Variants in FSTL4 observed in about 807,000 individuals in gnomAD.
FSTL4 encodes follistatin like 4, also known as follistatin-related protein 4.
In FSTL4, 28 loss-of-function variants were observed where a neutral mutation model predicts 78.2. The observed-to-expected ratio is 0.36, with a 90% CI of 0.27 to 0.49. FSTL4 has a LOEUF of 0.49. Among genes scored for constraint, FSTL4 ranks in the 20% least tolerant of loss-of-function variants. FSTL4 has a pLI of 0.98. For missense variants in FSTL4, 922 were observed against 1,084.9 expected (o/e 0.85, Z 2.11); for synonymous variants, 422 against 440.5 (o/e 0.96, Z 0.53).
chr5:133,249,625 G>A (rs75625140), intron 6 of FSTL4, 49 bp from the exon 7 acceptor site: 143 of 1,489,292 alleles, frequency 9.6e-5, no homozygotes, highest in Non-Finnish European at 1.3e-4. Flanking sequence ...CCAGGGATTG[G>A]AGTCTCAACT....
At chr5:133,373,038 AT>A (rs1474577815) in intron 4 of FSTL4, among the ~76,000 whole-genome samples, 3 of 152,136 alleles carry the variant, frequency 2.0e-5, no homozygotes, top group Admixed American at 6.5e-5. Context: ...AGCCTCATGA[AT>A]GGGATTAGTG....
At chr5:133,483,090 T>A (rs954650172) in intron 3 of FSTL4, among the ~76,000 whole-genome samples, 1 of 152,118 alleles carries the variant, frequency 6.6e-6, no homozygotes. Flanking sequence ...GCTGTTCTCA[T>A]GATAGTGAAT....
chr5:133,516,752 C>T (rs1407392989), intron 3 of FSTL4, among the ~76,000 whole-genome samples: 1 of 151,950 alleles, frequency 6.6e-6, no homozygotes, highest in Non-Finnish European at 1.5e-5. Context: ...ACTAAGGTTA[C>T]CAAAACAATG....
chr5:133,596,314 C>T (rs1429719526), intron 2 of FSTL4, among the ~76,000 whole-genome samples: 1 of 152,232 alleles, frequency 6.6e-6, no homozygotes, highest in Non-Finnish European at 1.5e-5. Context: ...TCTGTCACCT[C>T]TGAGGCTAGG....
At chr5:133,292,024 C>A (rs1166069933) in intron 6 of FSTL4, among the ~76,000 whole-genome samples, 1 of 152,166 alleles carries the variant, frequency 6.6e-6, no homozygotes, top group Admixed American at 6.5e-5. Flanking sequence ...CAGACTTGGC[C>A]CTGCCAGGCC....
the FSTL4 span, among the ~76,000 whole-genome samples, chr5:133,626,145 C>CAT: frequency 0.013 from 39 of 2,938 alleles, 1 homozygote; most frequent in East Asian, 0.028. Flanking sequence ...ATATATATTC[C>CAT]ATATATATAT....
intron 3 of FSTL4, among the ~76,000 whole-genome samples, chr5:133,497,052 G>A (rs951841223): frequency 1.3e-5 from 2 of 152,194 alleles, no homozygotes; most frequent in African/African-American, 4.8e-5. Flanking sequence ...CTTCATGGGT[G>A]CCGTGCTATA....
chr5:133,252,455 C>T (rs1046635831), intron 6 of FSTL4, among the ~76,000 whole-genome samples: 2 of 152,036 alleles, frequency 1.3e-5, no homozygotes, highest in African/African-American at 4.8e-5. Flanking sequence ...GATGCAGATG[C>T]TCTGGTGGGC....
At chr5:133,282,920 C>G (rs1753042900) in intron 6 of FSTL4, among the ~76,000 whole-genome samples, 1 of 152,232 alleles carries the variant, frequency 6.6e-6, no homozygotes, top group African/African-American at 2.4e-5. Flanking sequence ...TCTTGCAATG[C>G]TCATCTGACA....
chr5:133,399,226 A>G (rs1291878858), intron 4 of FSTL4, among the ~76,000 whole-genome samples: 2 of 152,212 alleles, frequency 1.3e-5, no homozygotes, highest in African/African-American at 4.8e-5. Flanking sequence ...AGCTGGAGCA[A>G]CTGGTCAAGT....
intron 3 of FSTL4, among the ~76,000 whole-genome samples, chr5:133,469,281 G>C (rs1757771830): frequency 6.6e-6 from 1 of 152,210 alleles, no homozygotes; most frequent in Non-Finnish European, 1.5e-5. Context: ...CAATTCTGAA[G>C]ACCGTGGGCT....
chr5:133,310,003 T>C (rs550441084), intron 6 of FSTL4, among the ~76,000 whole-genome samples: 4 of 152,344 alleles, frequency 2.6e-5, no homozygotes, highest in South Asian at 4.1e-4. Flanking sequence ...GGGTAATAAC[T>C]TGTACCTATA....
In FSTL4 at chr5:133,201,991, A is replaced by T; in HGVS notation, c.1768T>A (p.Phe590Ile). ...GQSQHLIRTP[F>I]AGVDDFFIPP... ...ATGAAGAAATCATCCACTCCTGCAAAGGGTGTGCGGATGAGGTGCTGGCTC... is the reference window on the plus strand; with the variant it reads ...ATGAAGAAATCATCCACTCCTGCAATGGGTGTGCGGATGAGGTGCTGGCTC... The change falls in exon 15 of 16, where the codon TTT becomes ATT. Residue 590 changes from phenylalanine to isoleucine, a missense_variant. Physicochemically the swap from Phe to Ile is conservative, Grantham distance 21. Coordinates refer to ENST00000265342, the MANE Select transcript of FSTL4 (RefSeq NM_015082.2). 6.2e-7 allele frequency: 1 copy of T among 1,612,524 alleles called. No individual in the cohort carries two copies. Among genetic ancestry groups the T allele is most frequent in the Non-Finnish European group, 8.5e-7 (1 of 1,179,006 alleles).
chr5:133,215,813 C>T (rs1477249328), intron 13 of FSTL4, among the ~76,000 whole-genome samples: 3 of 152,162 alleles, frequency 2.0e-5, no homozygotes, highest in Non-Finnish European at 4.4e-5. Flanking sequence ...CCCTTCATCC[C>T]ATCTTCAAAG....
At chr5:133,498,180 C>T (rs1176442393) in intron 3 of FSTL4, among the ~76,000 whole-genome samples, 1 of 152,220 alleles carries the variant, frequency 6.6e-6, no homozygotes, top group African/African-American at 2.4e-5. Context: ...CGCACGGTGA[C>T]TGCCTCTCCA....
At chr5:133,422,509 G>C (rs895124064) in intron 3 of FSTL4, among the ~76,000 whole-genome samples, 2 of 151,784 alleles carry the variant, frequency 1.3e-5, no homozygotes, top group African/African-American at 4.8e-5. Context: ...GGAGGATGCT[G>C]TTTACCGTTT....
intron 4 of FSTL4, among the ~76,000 whole-genome samples, chr5:133,316,982 G>A (rs549555355): frequency 1.3e-5 from 2 of 152,194 alleles, no homozygotes; most frequent in African/African-American, 4.8e-5. Context: ...AATATATAGC[G>A]GCAGCCCCAC....
At chr5:133,312,610 G>C (rs763219146) in intron 6 of FSTL4, 44 bp downstream of exon 6, 1 of 1,601,712 alleles carries the variant, frequency 6.2e-7, no homozygotes, top group South Asian at 1.1e-5. Context: ...TGGTGCAGAA[G>C]CACCTGCAGA....
At chr5:133,711,167 C>G in the FSTL4 span, among the ~76,000 whole-genome samples, 1 of 152,194 alleles carries the variant, frequency 6.6e-6, no homozygotes, top group Non-Finnish European at 1.5e-5. Context: ...CCAGAGAGCT[C>G]TGTCTCTGGA....
Sources: gnomAD v4.1 joint callset for allele counts (sites outside exome capture counted in the v4.1 genomes callset) on GRCh38, gnomAD v4.1.1 for gene constraint, MANE v1.5 for transcripts, NCBI Gene and HGNC (gene_info 2026-07-23, HGNC 2026-07-21) for gene names.